Variants in BTNL3 observed in about 807,000 individuals in gnomAD.
BTNL3 encodes butyrophilin like 3, also known as butyrophilin-like protein 3.
In BTNL3, 20 loss-of-function variants were observed where a neutral mutation model predicts 40.1. The observed-to-expected ratio is 0.50, with a 90% CI of 0.35 to 0.72. The LOEUF (loss-of-function observed/expected upper bound fraction) is 0.72. BTNL3 is among the 30% of genes least tolerant of loss of function. BTNL3 has a pLI of 0.01. For missense variants in BTNL3, 449 were observed against 582.2 expected (o/e 0.77, Z 2.35); for synonymous variants, 179 against 222.1 (o/e 0.81, Z 1.73).
Position 181,006,664 on chromosome 5 carries a change from G to A in BTNL3, c.*792G>A, listed in dbSNP as rs1760239623. 6.6e-6 allele frequency: 1 copy of A among 152,218 alleles called. No homozygotes were observed. The highest frequency in any genetic ancestry group is 2.1e-4 in the South Asian group (1 of 4,826). 9.4% of individuals were successfully genotyped at this position (152,218 alleles called of 1,614,324 possible). ...GGTTTGTCCCACAAATGCAGAGTTG[G>A]TTTAATATTTAAATATCAACCAGTG... On this transcript the variant is annotated 3_prime_UTR_variant, in exon 8 of 8. Coordinates refer to ENST00000342868, the MANE Select transcript of BTNL3 (RefSeq NM_197975.3).
At chr5:181,002,589 G>T in intron 3 of BTNL3, 83 bp from the exon 4 acceptor site, 1 of 1,224,044 alleles carries the variant, frequency 8.2e-7, no homozygotes, top group Non-Finnish European at 1.1e-6. Flanking sequence ...TTTCATCTTG[G>T]GGTACTGGGG....
In BTNL3 at chr5:181,006,016, G is replaced by A. The variant is rs1274849922; in HGVS notation, c.*144G>A. 1.3e-5 allele frequency: 12 copies of A among 942,448 alleles called. No homozygotes were observed. Among genetic ancestry groups the A allele is most frequent in the South Asian group, 7.7e-5 (4 of 51,870 alleles). The allele number at this position is 942,448 out of a possible 1,614,324, so 58.4% of individuals were successfully genotyped here. On this transcript the variant is annotated 3_prime_UTR_variant, in exon 8 of 8. Transcript: ENST00000342868. ...CCCCCACTCTCCTTTAGGGAGCTGA[G>A]GTTCTTCTGCCCTGAGCCCTGCAGC... is the stretch of plus-strand genomic sequence containing the variant.
rs756183898 is a variant in BTNL3 at position 180,993,765 on chromosome 5, T to C, written c.397+605T>C. On this transcript the variant is annotated intron_variant, in intron 2 of 7. Transcript: ENST00000342868. ...CTATATCAGATAGTGACTTAATTTC[T>C]GTTTAAACCATCATATATAATTTTC... Among the ~76,000 whole-genome samples the C allele has an allele frequency of 7.3e-5, 10 of 137,152 alleles. 1 individual carries two copies. The highest frequency in any genetic ancestry group is 1.3e-4 in the Non-Finnish European group (8 of 59,980). 90.0% of individuals were successfully genotyped at this position (137,152 alleles called of 152,430 possible). A position where few individuals can be genotyped will look rare whatever the true frequency, so the allele number is the denominator to read the frequency against.
Position 181,005,824 on chromosome 5 carries a change from C to T in BTNL3, c.1353C>T (p.Asp451=), listed in dbSNP as rs771319366. 2.5e-5 allele frequency: 41 copies of T among 1,613,472 alleles called. No homozygotes were observed. The highest frequency in any genetic ancestry group is 2.5e-4 in the East Asian group (11 of 44,890). The change falls in exon 8 of 8, where the codon GAC becomes GAT. Residue 451 remains aspartate (D), a synonymous_variant. Transcript: ENST00000342868. ...CCTATATCCAGCATGCGATGTATGA[C>T]GAGGAAAAGGGGACTCCCATATTCA... ...LRPYIQHAMY[D]EEKGTPIFIC... is the part of the protein sequence containing the mutation.
chr5:180,993,220 TA>T, intron 2 of BTNL3, 60 bp downstream of exon 2: 3 of 1,377,212 alleles, frequency 2.2e-6, no homozygotes, highest in Non-Finnish European at 3.0e-6. Context: ...TATCAGCTCT[TA>T]AAAGTATTTC....
Position 180,993,176 on chromosome 5 carries a change from A to T in BTNL3, c.397+16A>T. On this transcript the variant is annotated intron_variant, in intron 2 of 7. Transcript: ENST00000342868. ...CGGGTGGCAGGTCAGTTGTTTATTT[A>T]TGACTGAGTTGTCTTGTAAAGTCAT... 2.1e-6 allele frequency: 3 copies of T among 1,419,526 alleles called. 1 individual carries two copies. The highest frequency in any genetic ancestry group is 1.4e-5 in the African/African-American group (1 of 71,700). The allele number at this position is 1,419,526 out of a possible 1,614,324, so 87.9% of individuals were successfully genotyped here.
At chr5:181,001,660 A>G (rs936770800) in intron 3 of BTNL3, among the ~76,000 whole-genome samples, 3 of 133,548 alleles carry the variant, frequency 2.2e-5, no homozygotes, top group African/African-American at 5.1e-5. Flanking sequence ...CCTGGCTAAC[A>G]TGGTGAAACC....
chr5:180,991,515 G>A (rs1001923198), intron 1 of BTNL3, among the ~76,000 whole-genome samples: 1 of 136,702 alleles, frequency 7.3e-6, no homozygotes, highest in Admixed American at 7.7e-5. Context: ...TAATCATACA[G>A]AGTTGTAAGT....
At position 181,000,266 on chromosome 5, in the gene BTNL3, T is replaced by TA. The variant is rs1341828039; in HGVS notation, c.674-2403dup. Among the ~76,000 whole-genome samples, 2 of 136,782 alleles carry TA rather than the reference T, an allele frequency of 1.5e-5. 1 individual carries two copies. The highest frequency in any genetic ancestry group is 3.3e-5 in the Non-Finnish European group (2 of 59,886). 89.7% of individuals were successfully genotyped at this position (136,782 alleles called of 152,430 possible). On this transcript the variant is annotated intron_variant, in intron 3 of 7. Transcript: ENST00000342868. ...TTATAACATAATTCGTTAAAAGAGATAAACTATAATTTTCTTAGTAGATGT... is the reference window on the plus strand; with the variant it reads ...TTATAACATAATTCGTTAAAAGAGATAAAACTATAATTTTCTTAGTAGATGT...
rs749318904 is a variant in BTNL3 at position 181,005,321 on chromosome 5, C to T, written c.863-13C>T. ...AGTAACTCATGCTTCCTCTCTCCCCCACCGCACCCCAGTGGAGGTGACTCT... is the reference window on the plus strand; with the variant it reads ...AGTAACTCATGCTTCCTCTCTCCCCTACCGCACCCCAGTGGAGGTGACTCT... On this transcript the variant is annotated splice_polypyrimidine_tract_variant and intron_variant, in intron 7 of 7. Transcript: ENST00000342868. 6 of 1,605,816 alleles carry T rather than the reference C, an allele frequency of 3.7e-6. No individual in the cohort carries two copies. Among genetic ancestry groups the T allele is most frequent in the African/African-American group, 2.7e-5 (2 of 74,616 alleles).
intron 3 of BTNL3, among the ~76,000 whole-genome samples, chr5:181,000,832 T>G (rs1227678761): frequency 7.5e-6 from 1 of 133,588 alleles, no homozygotes; most frequent in African/African-American, 2.6e-5. Context: ...TAAAATAAAA[T>G]AAAAAAATAA....
rs528676755 is a variant in BTNL3 at position 181,004,055 on chromosome 5, G to A, written c.808+179G>A. ...TGAGTTACCCCTCGGACATCTGGAG[G>A]GCTTAGGATAGGCCCCGGGGCCTGG... is the stretch of plus-strand genomic sequence containing the variant. On this transcript the variant is annotated intron_variant, in intron 5 of 7. Transcript: ENST00000342868. 4.0e-5 allele frequency: 62 copies of A among 1,544,578 alleles called. No homozygotes were observed. In the East Asian group the frequency reaches 1.3e-3, roughly 33 times the overall value.
At chr5:181,004,112 C>T (rs966076543) in intron 5 of BTNL3, 44 of 1,360,148 alleles carry the variant, frequency 3.2e-5, no homozygotes, top group Middle Eastern at 2.6e-4. Flanking sequence ...GCCTGTTGCC[C>T]GTTGGTTTGC....
chr5:181,005,907 ACAGACC>A lies in BTNL3; in HGVS notation c.*41_*46del. The A allele has an allele frequency of 6.5e-7, 1 of 1,537,338 alleles. No homozygotes were observed. The highest frequency in any genetic ancestry group is 2.3e-5 in the East Asian group (1 of 44,118). On this transcript the variant is annotated 3_prime_UTR_variant, in exon 8 of 8. Coordinates refer to ENST00000342868, the MANE Select transcript of BTNL3 (RefSeq NM_197975.3). ...GACCCTGCTTAAAGGGCCCCACACC[ACAGACC>A]CAGACACAGCCAAGGGAGAGTGCTC...
chr5:180,995,427 C>T (rs1760024184), intron 2 of BTNL3, among the ~76,000 whole-genome samples: 1 of 136,128 alleles, frequency 7.3e-6, no homozygotes, highest in Non-Finnish European at 1.7e-5. Flanking sequence ...AGGCAGTCAC[C>T]ATGTTTAGAT....
At chr5:181,004,131 T>G in intron 5 of BTNL3, 2 of 1,336,388 alleles carry the variant, frequency 1.5e-6, no homozygotes, top group Non-Finnish European at 2.1e-6. Context: ...GCTGTGTGTG[T>G]GGTGGGGGGA....
At position 180,993,180 on chromosome 5, in the gene BTNL3, C is replaced by T; in HGVS notation, c.397+20C>T. 1.4e-6 allele frequency: 2 copies of T among 1,415,402 alleles called. 1 individual carries two copies. 87.7% of individuals were successfully genotyped at this position (1,415,402 alleles called of 1,614,324 possible). ...TGGCAGGTCAGTTGTTTATTTATGA[C>T]TGAGTTGTCTTGTAAAGTCATGCTA... On this transcript the variant is annotated intron_variant, in intron 2 of 7. Transcript: ENST00000342868.
rs766483873 is a variant in BTNL3 at position 180,992,961 on chromosome 5, C to T, written c.198C>T (p.Leu66=). The T allele has an allele frequency of 7.5e-6, 11 of 1,462,636 alleles. 3 individuals carry two copies. In the Admixed American group the frequency reaches 9.4e-5, roughly 13 times the overall value. 90.6% of individuals were successfully genotyped at this position (1,462,636 alleles called of 1,614,324 possible). A position where few individuals can be genotyped will look rare whatever the true frequency, so the allele number is the denominator to read the frequency against. ...FRNQFHAVVH[L]YRDGEDWESK... Reference sequence around the variant, plus strand: ...ATCAGTTCCATGCTGTGGTCCACCTCTACAGAGATGGGGAAGACTGGGAAT... The same window carrying T: ...ATCAGTTCCATGCTGTGGTCCACCTTTACAGAGATGGGGAAGACTGGGAAT... Residue 66 remains leucine (L), a synonymous_variant, in exon 2 of 8, where the codon CTC becomes CTT. Coordinates refer to ENST00000342868, the MANE Select transcript of BTNL3 (RefSeq NM_197975.3).
In BTNL3 at chr5:180,995,678, C is replaced by T. The variant is rs1214929983; in HGVS notation, c.398-1535C>T. Among the ~76,000 whole-genome samples, 2 of 136,280 alleles carry T rather than the reference C, an allele frequency of 1.5e-5. 1 individual carries two copies. Among genetic ancestry groups the T allele is most frequent in the Non-Finnish European group, 3.4e-5 (2 of 59,670 alleles). The allele number at this position is 136,280 out of a possible 152,430, so 89.4% of individuals were successfully genotyped here. A position where few individuals can be genotyped will look rare whatever the true frequency, so the allele number is the denominator to read the frequency against. ...GAAAAAGTACTCTTCCCCTGGTCTCCAGTCAATGGGGCTTATGATCAATTC... is the reference window on the plus strand; with the variant it reads ...GAAAAAGTACTCTTCCCCTGGTCTCTAGTCAATGGGGCTTATGATCAATTC... On this transcript the variant is annotated intron_variant, in intron 2 of 7. Transcript: ENST00000342868.
Sources: gnomAD v4.1 joint callset for allele counts (sites outside exome capture counted in the v4.1 genomes callset) on GRCh38, gnomAD v4.1.1 for gene constraint, MANE v1.5 for transcripts, NCBI Gene and HGNC (gene_info 2026-07-23, HGNC 2026-07-21) for gene names.